Variants in DNAJC15 observed in about 807,000 individuals in gnomAD.
DNAJC15 encodes dnaJ homolog subfamily C member 15.
A neutral mutation model predicts 22.4 loss-of-function variants in DNAJC15; 27 were observed. The ratio of observed to expected loss-of-function variants is 1.20; its 90% CI spans 0.89 to 1.66. The LOEUF (loss-of-function observed/expected upper bound fraction) is 1.66. DNAJC15 is among the 40% of genes most tolerant of loss of function. The pLI is 0.00. For missense variants in DNAJC15, 208 were observed against 187.1 expected (o/e 1.11, Z -0.65); for synonymous variants, 79 against 63.2 (o/e 1.25, Z -1.19).
chr13:43,092,343 T>C (rs549250808), intron 5 of DNAJC15, among the ~76,000 whole-genome samples: 1 of 152,252 alleles, frequency 6.6e-6, no homozygotes, highest in South Asian at 2.1e-4. Flanking sequence ...TCCATCTTTT[T>C]ATTTTCAGCC....
chr13:43,104,289 A>T (rs2040785121), intron 5 of DNAJC15, among the ~76,000 whole-genome samples: 1 of 152,152 alleles, frequency 6.6e-6, no homozygotes, highest in Non-Finnish European at 1.5e-5. Context: ...TTTCATATAT[A>T]TCTGGAATAG....
At chr13:43,103,181 C>T (rs1046692943) in intron 5 of DNAJC15, among the ~76,000 whole-genome samples, 2 of 152,094 alleles carry the variant, frequency 1.3e-5, no homozygotes, top group African/African-American at 4.8e-5. Context: ...GATTAATATT[C>T]TAACATTGGG....
chr13:43,050,628 T>A (rs2040498664), intron 1 of DNAJC15, among the ~76,000 whole-genome samples: 1 of 152,184 alleles, frequency 6.6e-6, no homozygotes. Context: ...AATTTCAAGT[T>A]GATTTCAACT....
rs965476363 is a variant in DNAJC15, at chr13:43,075,493, C to T, written c.235-3119C>T. ...TTTTTTTCCTGAATAAAGAATTATT[C>T]TATGTAGTAGTTCAGGCATGATTTA... On this transcript the variant is annotated intron_variant, in intron 3 of 5. Transcript: ENST00000379221. Among the ~76,000 whole-genome samples the T allele has an allele frequency of 1.4e-4, 21 of 152,204 alleles. No individual in the cohort carries two copies. The East Asian group carries it at 1.9e-3, about 14-fold the overall frequency.
At chr13:43,079,071 A>T (rs949860188) in intron 4 of DNAJC15, among the ~76,000 whole-genome samples, 1 of 152,178 alleles carries the variant, frequency 6.6e-6, no homozygotes, top group Admixed American at 6.5e-5. Flanking sequence ...CTGCTTCTGC[A>T]GTGTGACATC....
intron 1 of DNAJC15, among the ~76,000 whole-genome samples, chr13:43,051,956 T>C (rs1461705320): frequency 6.6e-6 from 1 of 151,880 alleles, no homozygotes; most frequent in Non-Finnish European, 1.5e-5. Context: ...ACATCTATTA[T>C]TTTTTGATTA....
intron 1 of DNAJC15, among the ~76,000 whole-genome samples, chr13:43,027,731 A>G (rs989806215): frequency 6.6e-6 from 1 of 151,366 alleles, no homozygotes; most frequent in African/African-American, 2.4e-5. Context: ...ATCTCGGCTC[A>G]CTGCAGCCTC....
At chr13:43,083,217 G>T (rs1242336645) in intron 4 of DNAJC15, among the ~76,000 whole-genome samples, 1 of 151,910 alleles carries the variant, frequency 6.6e-6, no homozygotes, top group Non-Finnish European at 1.5e-5. Context: ...ACCCAGGCTG[G>T]AGTGCAGTGG....
rs2040363821 is a variant in DNAJC15, at chr13:43,023,730, G to A, written c.104G>A (p.Arg35Lys). ...KRPDADVDQQ[R>K]LVRSLIAVGL... ...CCAGACGCCGACGTCGACCAGCAGA[G>A]ACTGGTGAGTCCTGCCAGCGGCCCC... Residue 35 changes from arginine to lysine, a missense_variant, in exon 1 of 6, where the codon AGA becomes AAA. Coordinates refer to ENST00000379221, the MANE Select transcript of DNAJC15 (RefSeq NM_013238.3). 6.2e-7 allele frequency: 1 copy of A among 1,607,432 alleles called. No homozygotes were observed. The highest frequency in any genetic ancestry group is 1.3e-5 in the African/African-American group (1 of 74,822).
intron 1 of DNAJC15, among the ~76,000 whole-genome samples, chr13:43,044,125 CCTCT>C (rs2040465855): frequency 1.3e-5 from 2 of 152,100 alleles, no homozygotes; most frequent in African/African-American, 2.4e-5. Flanking sequence ...TTTCTTGTTT[CCTCT>C]CTTTTTTTCT....
rs549397502 is a variant in DNAJC15 at position 43,060,683 on chromosome 13, A to G, written c.109-5003A>G. 8.5e-5 allele frequency among the ~76,000 whole-genome samples: 13 copies of G among 152,334 alleles called. No individual in the cohort carries two copies. In the East Asian group the frequency reaches 2.5e-3, roughly 29 times the overall value. On this transcript the variant is annotated intron_variant, in intron 1 of 5. Coordinates refer to ENST00000379221, the MANE Select transcript of DNAJC15 (RefSeq NM_013238.3). ...AAAGCCAGCAACTGTTTGTTGAAGA[A>G]GGATTAGAAACGTTTGAGGTAAAAC...
chr13:43,028,430 G>A (rs1593307095), intron 1 of DNAJC15, among the ~76,000 whole-genome samples: 1 of 151,910 alleles, frequency 6.6e-6, no homozygotes, highest in South Asian at 2.1e-4. Flanking sequence ...TTCTCCTCTG[G>A]CCTGTAGTGA....
At chr13:43,070,658 C>G (rs1455700868) in intron 3 of DNAJC15, among the ~76,000 whole-genome samples, 1 of 152,028 alleles carries the variant, frequency 6.6e-6, no homozygotes, top group East Asian at 1.9e-4. Flanking sequence ...GGGATCACTG[C>G]AAAGGTCCTG....
chr13:43,029,669 G>GT (rs952177273), intron 1 of DNAJC15, among the ~76,000 whole-genome samples: 1 of 151,546 alleles, frequency 6.6e-6, no homozygotes, highest in African/African-American at 2.4e-5. Context: ...TGTTATTTTG[G>GT]TTTTTTTAGT....
intron 1 of DNAJC15, among the ~76,000 whole-genome samples, chr13:43,058,586 G>A (rs567427892): frequency 6.6e-6 from 1 of 151,976 alleles, no homozygotes; most frequent in Admixed American, 6.5e-5. Flanking sequence ...CCTGCATGCT[G>A]CATCTTCTGT....
chr13:43,062,057 A>AT (rs539447006), intron 1 of DNAJC15, among the ~76,000 whole-genome samples: 47 of 150,130 alleles, frequency 3.1e-4, no homozygotes, highest in East Asian at 3.9e-4. Flanking sequence ...TAATAGGTGG[A>AT]TTTTTTTTTT....
Position 43,111,897 on chromosome 13 carries a change from T to C in DNAJC15, c.*4649T>C, listed in dbSNP as rs1593336986. ...TACTTGTCAAAAACATTCCATGAAT[T>C]ATGAGTCAAAATTTTATTTATGGTG... is the stretch of plus-strand genomic sequence containing the variant. On this transcript the variant is annotated 3_prime_UTR_variant, in exon 6 of 6. Transcript: ENST00000379221. The C allele has an allele frequency of 6.6e-6, 1 of 152,198 alleles. No individual in the cohort carries two copies. The highest frequency in any genetic ancestry group is 1.9e-4 in the East Asian group (1 of 5,194). The allele number at this position is 152,198 out of a possible 1,614,324, so 9.4% of individuals were successfully genotyped here. A position where few individuals can be genotyped will look rare whatever the true frequency, so the allele number is the denominator to read the frequency against.
chr13:43,057,147 A>G (rs2040535746), intron 1 of DNAJC15, among the ~76,000 whole-genome samples: 1 of 152,178 alleles, frequency 6.6e-6, no homozygotes, highest in African/African-American at 2.4e-5. Flanking sequence ...TTGGATGTCT[A>G]GGTCTCTAGC....
At chr13:43,079,319 T>C (rs973186495) in intron 4 of DNAJC15, among the ~76,000 whole-genome samples, 2 of 152,224 alleles carry the variant, frequency 1.3e-5, no homozygotes, top group African/African-American at 2.4e-5. Context: ...TCTGATGATA[T>C]AATCAACACA....
Sources: allele counts gnomAD v4.1 joint callset (sites outside exome capture counted in the v4.1 genomes callset), GRCh38; gene constraint gnomAD v4.1.1; transcripts MANE v1.5; gene names NCBI Gene and HGNC (gene_info 2026-07-23, HGNC 2026-07-21).